The following DLC1 variants were observed in gnomAD, a reference collection of about 807,000 sequenced individuals.
DLC1 encodes DLC1 Rho GTPase activating protein.
Under a neutral mutation model 140.3 loss-of-function variants are expected in DLC1, and 54 were observed. That is an observed-to-expected ratio of 0.38 (90% CI 0.31 to 0.48). The LOEUF (loss-of-function observed/expected upper bound fraction) is 0.48. Among genes scored for constraint, DLC1 ranks in the 20% least tolerant of loss-of-function variants. The pLI, the probability that DLC1 is intolerant of heterozygous loss-of-function variation, is 0.96. For missense variants in DLC1, 2,536 were observed against 1,907.0 expected, an observed-to-expected ratio of 1.33 and a Z score of -6.14; for synonymous variants, 986 against 728.1, an observed-to-expected ratio of 1.35 and a Z score of -5.70.
At chr8:13,543,788 C>G (rs578030826) in intron 1 of DLC1, among the ~76,000 whole-genome samples, 1 of 151,976 alleles carries the variant, frequency 6.6e-6, no homozygotes, top group Non-Finnish European at 1.5e-5. Context: ...GGGAGCTAAG[C>G]TATAGGTATG....
intron 5 of DLC1, among the ~76,000 whole-genome samples, chr8:13,165,641 T>A (rs1353857057): frequency 6.6e-6 from 1 of 152,206 alleles, no homozygotes; most frequent in Non-Finnish European, 1.5e-5. Context: ...AAACAGCTGC[T>A]CCTTCAACTA....
chr8:13,298,919 G>T (rs557125057), intron 5 of DLC1, among the ~76,000 whole-genome samples: 3 of 152,112 alleles, frequency 2.0e-5, no homozygotes, highest in Admixed American at 6.6e-5. Context: ...GCTTTGTTTT[G>T]CATGGGCTGC....
intron 5 of DLC1, among the ~76,000 whole-genome samples, chr8:13,145,733 T>G (rs1251751974): frequency 2.0e-5 from 3 of 152,186 alleles, no homozygotes; most frequent in African/African-American, 7.2e-5. Flanking sequence ...GGATAAATCT[T>G]TGAAACAATG....
chr8:13,417,533 C>CATG (rs1838127152), intron 2 of DLC1, among the ~76,000 whole-genome samples: 1 of 151,708 alleles, frequency 6.6e-6, no homozygotes, highest in African/African-American at 2.4e-5. Context: ...CTACAAAGGA[C>CATG]ATGAACTCAT....
chr8:13,475,964 T>C (rs1585172442), intron 2 of DLC1, among the ~76,000 whole-genome samples: 1 of 152,294 alleles, frequency 6.6e-6, no homozygotes, highest in East Asian at 1.9e-4. Flanking sequence ...TAACCATTTC[T>C]CCACTGAATA....
chr8:13,333,189 G>T (rs1244521693), intron 4 of DLC1, among the ~76,000 whole-genome samples: 1 of 152,122 alleles, frequency 6.6e-6, no homozygotes, highest in Middle Eastern at 3.4e-3. Flanking sequence ...TGTTATACAA[G>T]ATTTTCTTTG....
chr8:13,403,807 G>GTTTTTTTTTTTT (rs369715973), intron 2 of DLC1, among the ~76,000 whole-genome samples: 7 of 87,288 alleles, frequency 8.0e-5, no homozygotes, highest in African/African-American at 1.4e-4. Context: ...AGGTCTGGCT[G>GTTTTTTTTTTTT]TTTTTTTTTT....
intron 4 of DLC1, chr8:13,353,670 A>C (rs1834782899): frequency 6.6e-6 from 1 of 152,204 alleles, no homozygotes; most frequent in Admixed American, 6.5e-5. Flanking sequence ...CAGCCTGGCC[A>C]ACATGGTGAA....
At chr8:13,604,182 A>G (rs1805973969) in intron 1 of DLC1, among the ~76,000 whole-genome samples, 1 of 152,172 alleles carries the variant, frequency 6.6e-6, no homozygotes, top group Non-Finnish European at 1.5e-5. Context: ...TTTAAATTTA[A>G]CAAATATTTT....
intron 5 of DLC1, among the ~76,000 whole-genome samples, chr8:13,225,020 A>G (rs1251612289): frequency 6.6e-6 from 1 of 152,150 alleles, no homozygotes; most frequent in Non-Finnish European, 1.5e-5. Flanking sequence ...TATCTCTACC[A>G]GGAAATGACA....
chr8:13,111,770 C>T (rs1420429864), intron 6 of DLC1, among the ~76,000 whole-genome samples: 2 of 152,056 alleles, frequency 1.3e-5, no homozygotes, highest in African/African-American at 4.8e-5. Flanking sequence ...AGAGGAGTGT[C>T]TCGGTGTAGG....
intron 5 of DLC1, among the ~76,000 whole-genome samples, chr8:13,154,522 G>C (rs1202612327): frequency 6.6e-6 from 1 of 152,204 alleles, no homozygotes; most frequent in African/African-American, 2.4e-5. Flanking sequence ...AGCCCATCCG[G>C]AACTCGTGCT....
intron 1 of DLC1, among the ~76,000 whole-genome samples, chr8:13,550,867 G>T (rs968614071): frequency 6.6e-6 from 1 of 151,948 alleles, no homozygotes; most frequent in Non-Finnish European, 1.5e-5. Context: ...GCCCTTAATG[G>T]TGCTATTAGC....
At chr8:13,345,027 G>A (rs1834261714) in intron 4 of DLC1, among the ~76,000 whole-genome samples, 1 of 152,136 alleles carries the variant, frequency 6.6e-6, no homozygotes, top group African/African-American at 2.4e-5. Context: ...TATAATTCCA[G>A]GATAGTGAAG....
chr8:13,243,446 G>A (rs1463324410), intron 5 of DLC1, among the ~76,000 whole-genome samples: 2 of 152,092 alleles, frequency 1.3e-5, no homozygotes, highest in South Asian at 2.1e-4. Flanking sequence ...CTGTGAAACT[G>A]AGTCAATTAA....
intron 1 of DLC1, among the ~76,000 whole-genome samples, chr8:13,536,837 T>C (rs1803302138): frequency 6.6e-6 from 1 of 152,214 alleles, no homozygotes; most frequent in Non-Finnish European, 1.5e-5. Flanking sequence ...TAATCCTTTG[T>C]AACTATGAAG....
At chr8:13,334,237 A>G (rs1833725536) in intron 4 of DLC1, among the ~76,000 whole-genome samples, 1 of 152,016 alleles carries the variant, frequency 6.6e-6, no homozygotes, top group African/African-American at 2.4e-5. Context: ...GGAGTTGCAG[A>G]TGCGGAGACC....
chr8:13,519,569 T>G (rs760273991), upstream of DLC1, among the ~76,000 whole-genome samples: 13 of 152,190 alleles, frequency 8.5e-5, no homozygotes, highest in Non-Finnish European at 1.5e-4. Context: ...ACACCCAACT[T>G]GGTAACCATA....
chr8:13,579,883 C>A (rs961521122), intron 1 of DLC1, among the ~76,000 whole-genome samples: 2 of 151,586 alleles, frequency 1.3e-5, no homozygotes, highest in East Asian at 3.9e-4. Context: ...TCAGTGATTT[C>A]CTAAGCACTC....
Sources: gnomAD v4.1 joint callset for allele counts (sites outside exome capture counted in the v4.1 genomes callset) on GRCh38, gnomAD v4.1.1 for gene constraint, MANE v1.5 for transcripts, NCBI Gene and HGNC (gene_info 2026-07-23, HGNC 2026-07-21) for gene names.